Variants in MTMR4 observed in about 807,000 individuals in gnomAD.
MTMR4 encodes the protein myotubularin related protein 4, also known as phosphatidylinositol-3,5-bisphosphate 3-phosphatase MTMR4.
In MTMR4, 30 loss-of-function variants were observed where a neutral mutation model predicts 125.5. That is an observed-to-expected ratio of 0.24 (90% CI 0.18 to 0.32). MTMR4 has a LOEUF of 0.32. Among genes scored for constraint, MTMR4 ranks in the 10% least tolerant of loss-of-function variants. The pLI is 1.00. For synonymous variants in MTMR4, 498 were observed against 564.5 expected (o/e 0.88, Z 1.67); for missense variants, 1,039 against 1,511.5 (o/e 0.69, Z 5.18).
Position 58,505,525 on chromosome 17 carries a change from C to G in MTMR4, c.1092G>C (p.Arg364=). The change falls in exon 10 of 18, where the codon CGG becomes CGC. Residue 364 remains arginine (R), a synonymous_variant. Coordinates refer to ENST00000682306, the MANE Select transcript of MTMR4 (RefSeq NM_001378067.1). ...FMGMANIHAI[R]NSFQYLRAVC... ...CAGCCCGGAGGTACTGAAAGCTGTT[C>G]CGGATGGCATGGATGTTGGCCATTC... The G allele has an allele frequency of 6.2e-7, 1 of 1,613,210 alleles. No individual in the cohort carries two copies. The highest frequency in any genetic ancestry group is 8.5e-7 in the Non-Finnish European group (1 of 1,179,484).
Position 58,495,020 on chromosome 17 carries a change from C to T in MTMR4, c.3164G>A (p.Arg1055Gln), listed in dbSNP as rs767960228. 54 of 1,614,188 alleles carry T rather than the reference C, an allele frequency of 3.3e-5. No individual in the cohort carries two copies. Among genetic ancestry groups the T allele is most frequent in the Non-Finnish European group, 4.5e-5 (53 of 1,180,026 alleles). The change falls in exon 15 of 18, where the codon CGA becomes CAA. Residue 1055 changes from arginine (R) to glutamine (Q), a missense_variant. Around this residue, in one of 6 missense-constraint regions of MTMR4, gnomAD observed 619 missense variants for 714.5 expected, o/e 0.87. Transcript: ENST00000682306. ...GYKQEVEQLRRQVRELQMRLD... is the reference protein window; with the variant it reads ...GYKQEVEQLRQQVRELQMRLD... ...CCTCATCTGAAGCTCACGCACCTGTCGACGTAGCTGCTCCACCTCTTGTTT... is the reference window on the plus strand; with the variant it reads ...CCTCATCTGAAGCTCACGCACCTGTTGACGTAGCTGCTCCACCTCTTGTTT...
rs1308892473 is a variant in MTMR4 at position 58,512,326 on chromosome 17, C to T, written c.252+64G>A. The T allele has an allele frequency of 1.5e-6, 2 of 1,376,484 alleles. No homozygotes were observed. Among genetic ancestry groups the T allele is most frequent in the Admixed American group, 3.4e-5 (2 of 59,454 alleles). 85.3% of individuals were successfully genotyped at this position (1,376,484 alleles called of 1,614,324 possible). On this transcript the variant is annotated intron_variant, in intron 3 of 17. Coordinates refer to ENST00000682306, the MANE Select transcript of MTMR4 (RefSeq NM_001378067.1). This position sits in a 1 kb window ranked among gnomAD's most constrained non-coding sequence, Gnocchi z 4.1. ...GACATGATCAAGGACAGCCTTGGAACAATCCCACCTTGAACTTCATAGGGA... is the reference window on the plus strand; with the variant it reads ...GACATGATCAAGGACAGCCTTGGAATAATCCCACCTTGAACTTCATAGGGA...
intron 14 of MTMR4, among the ~76,000 whole-genome samples, chr17:58,500,894 G>A (rs1417263160): frequency 6.6e-6 from 1 of 151,924 alleles, no homozygotes; most frequent in Non-Finnish European, 1.5e-5. Flanking sequence ...TACGCAACTT[G>A]TAGGTATTAA....
At position 58,495,308 on chromosome 17, in the gene MTMR4, G is replaced by C. The variant is rs1256999655; in HGVS notation, c.2876C>G (p.Thr959Arg). 5.6e-6 allele frequency: 9 copies of C among 1,614,190 alleles called. No individual in the cohort carries two copies. The highest frequency in any genetic ancestry group is 1.1e-5 in the South Asian group (1 of 91,084). The change falls in exon 15 of 18, where the codon ACA (threonine) becomes AGA (arginine). Residue 959 changes from threonine to arginine, a missense_variant. Thr to Arg is a moderately conservative substitution (Grantham distance 71, BLOSUM62 -1). Coordinates refer to ENST00000682306, the MANE Select transcript of MTMR4 (RefSeq NM_001378067.1). ...CCACTGGCCCCCAAAGCAGGGCCCT[G>C]TGGCCCGCATCTGCTTACTGTTTGG... is the stretch of plus-strand genomic sequence containing the variant. ...KRPNSKQMRA[T>R]GPCFGGQWAQ...
At position 58,495,020 on chromosome 17, in the gene MTMR4, C is replaced by A; in HGVS notation, c.3164G>T (p.Arg1055Leu). ...CCTCATCTGAAGCTCACGCACCTGT[C>A]GACGTAGCTGCTCCACCTCTTGTTT... ...GYKQEVEQLR[R>L]QVRELQMRLD... The change falls in exon 15 of 18, where the codon CGA becomes CTA. Residue 1055 changes from arginine to leucine, a missense_variant. This residue lies in a region of MTMR4 where 619 missense variants were observed against 714.5 expected (regional missense o/e 0.87). Coordinates refer to ENST00000682306, the MANE Select transcript of MTMR4 (RefSeq NM_001378067.1). 6.2e-7 allele frequency: 1 copy of A among 1,614,186 alleles called. No homozygotes were observed. Among genetic ancestry groups the A allele is most frequent in the Non-Finnish European group, 8.5e-7 (1 of 1,180,026 alleles).
At position 58,503,910 on chromosome 17, in the gene MTMR4, G is replaced by A; in HGVS notation, c.1699-12C>T. 1 of 1,610,596 alleles carries A rather than the reference G, an allele frequency of 6.2e-7. No homozygotes were observed. The highest frequency in any genetic ancestry group is 8.5e-7 in the Non-Finnish European group (1 of 1,178,324). ...ACAGGATGCAGGACCTAGGGAAGCA[G>A]CCCAATACTAGTGCTTTGTCAAGAG... is the stretch of plus-strand genomic sequence containing the variant. On this transcript the variant is annotated splice_polypyrimidine_tract_variant and intron_variant, in intron 13 of 17. Coordinates refer to ENST00000682306, the MANE Select transcript of MTMR4 (RefSeq NM_001378067.1).
chr17:58,500,672 C>T (rs1357136805), intron 14 of MTMR4, among the ~76,000 whole-genome samples: 1 of 150,342 alleles, frequency 6.7e-6, no homozygotes, highest in Non-Finnish European at 1.5e-5. Flanking sequence ...ATCACTTGAA[C>T]CCGGGAGGCG....
In MTMR4 at chr17:58,508,308, G is replaced by T. The variant is rs373230696; in HGVS notation, c.594-34C>A. ...AGACCAGGTGGGGGTCACTGCACTGGGTCTAAAACATGTGATGACAGGATC... is the reference window on the plus strand; with the variant it reads ...AGACCAGGTGGGGGTCACTGCACTGTGTCTAAAACATGTGATGACAGGATC... On this transcript the variant is annotated intron_variant, in intron 6 of 17. Transcript: ENST00000682306. This position sits in a 1 kb window ranked among gnomAD's most constrained non-coding sequence, Gnocchi z 4.8. 3.5e-5 allele frequency: 55 copies of T among 1,592,122 alleles called. No individual in the cohort carries two copies. Among genetic ancestry groups the T allele is most frequent in the Non-Finnish European group, 4.6e-5 (53 of 1,160,254 alleles).
chr17:58,492,440 AT>A (rs1975338141), intron 17 of MTMR4, 70 bp downstream of exon 17: 1 of 1,375,316 alleles, frequency 7.3e-7, no homozygotes, highest in Non-Finnish European at 1.0e-6. Flanking sequence ...AGGTGTTGGC[AT>A]TACAGGTGTG....
At chr17:58,509,671 C>T (rs554578553) in intron 4 of MTMR4, among the ~76,000 whole-genome samples, 8 of 152,178 alleles carry the variant, frequency 5.3e-5, no homozygotes, top group Admixed American at 1.3e-4. Flanking sequence ...CCTCCTCCCT[C>T]GGCCTCCCAA....
At chr17:58,492,163 ATTTTTG>A (rs770219325) in intron 17 of MTMR4, among the ~76,000 whole-genome samples, 2 of 152,002 alleles carry the variant, frequency 1.3e-5, no homozygotes, top group Non-Finnish European at 2.9e-5. Flanking sequence ...GTATTACACT[ATTTTTG>A]TTTTTGTTTT....
rs942654501 is a variant in MTMR4 at position 58,490,734 on chromosome 17, C to T, written c.*929G>A. 6.6e-6 allele frequency: 1 copy of T among 152,620 alleles called. No individual in the cohort carries two copies. Among genetic ancestry groups the T allele is most frequent in the African/African-American group, 2.4e-5 (1 of 41,436 alleles). 9.5% of individuals were successfully genotyped at this position (152,620 alleles called of 1,614,324 possible). ...GAAATGGGCAATGGAACAACAACAA[C>T]GAAAACCTTTGTTTTATTTTCATGC... is the stretch of plus-strand genomic sequence containing the variant. On this transcript the variant is annotated 3_prime_UTR_variant, in exon 18 of 18. Transcript: ENST00000682306.
At position 58,512,649 on chromosome 17, in the gene MTMR4, C is replaced by T. The variant is rs1213718579; in HGVS notation, c.136-143G>A. 2.5e-6 allele frequency: 2 copies of T among 815,598 alleles called. No individual in the cohort carries two copies. The highest frequency in any genetic ancestry group is 2.5e-5 in the East Asian group (1 of 40,784). 50.5% of individuals were successfully genotyped at this position (815,598 alleles called of 1,614,324 possible). ...TTCTCTCCACGGTAACAGCACCAGG[C>T]AACAGCTGTACAGGAAAGCTGCCTT... On this transcript the variant is annotated intron_variant, in intron 2 of 17. Transcript: ENST00000682306. This position sits in a 1 kb window ranked among gnomAD's most constrained non-coding sequence, Gnocchi z 4.1.
At chr17:58,516,213 C>T (rs999336552), upstream of MTMR4, among the ~76,000 whole-genome samples, 1 of 152,190 alleles carries the variant, frequency 6.6e-6, no homozygotes, top group Non-Finnish European at 1.5e-5. Flanking sequence ...GTCCAAAGAT[C>T]TTGAGATAAA....
At chr17:58,517,592 G>A (rs529664238), upstream of MTMR4, among the ~76,000 whole-genome samples, 1 of 152,382 alleles carries the variant, frequency 6.6e-6, no homozygotes, top group South Asian at 2.1e-4. Flanking sequence ...AGGCCTGGGA[G>A]GCCCAGGGTT....
rs1242129453 is a variant in MTMR4 at position 58,514,516 on chromosome 17, G to A, written c.-109C>T. The A allele has an allele frequency of 4.1e-6, 4 of 985,054 alleles. No individual in the cohort carries two copies. Among genetic ancestry groups the A allele is most frequent in the African/African-American group, 3.5e-5 (2 of 57,196 alleles). The allele number at this position is 985,054 out of a possible 1,614,324, so 61.0% of individuals were successfully genotyped here. A position where few individuals can be genotyped will look rare whatever the true frequency, so the allele number is the denominator to read the frequency against. ...TGCGGGGCTCGCCAGGTGCAGCCGC[G>A]GCGGCCAAGAGGCTAGGGCGCTGGT... is the stretch of plus-strand genomic sequence containing the variant. On this transcript the variant is annotated 5_prime_UTR_variant, in exon 1 of 18. Transcript: ENST00000682306.
In MTMR4 at chr17:58,512,644, C is replaced by A. The variant is rs1039980076; in HGVS notation, c.136-138G>T. On this transcript the variant is annotated intron_variant, in intron 2 of 17. Transcript: ENST00000682306. The surrounding 1 kb of genome is among the most constrained non-coding windows in gnomAD (Gnocchi z 4.1). The stretch of plus-strand genomic sequence containing the variant: ...GAGAGTTCTCTCCACGGTAACAGCA[C>A]CAGGCAACAGCTGTACAGGAAAGCT... 10 of 820,712 alleles carry A rather than the reference C, an allele frequency of 1.2e-5. No homozygotes were observed. The highest frequency in any genetic ancestry group is 4.6e-5 in the South Asian group (3 of 64,562). 50.8% of individuals were successfully genotyped at this position (820,712 alleles called of 1,614,324 possible). A position where few individuals can be genotyped will look rare whatever the true frequency, so the allele number is the denominator to read the frequency against.
rs925581304 is a variant in MTMR4, at chr17:58,511,318, T to C, written c.335+111A>G. 5.0e-6 allele frequency: 5 copies of C among 994,744 alleles called. No individual in the cohort carries two copies. In the African/African-American group the frequency reaches 6.5e-5, roughly 13 times the overall value. 61.6% of individuals were successfully genotyped at this position (994,744 alleles called of 1,614,324 possible). On this transcript the variant is annotated intron_variant, in intron 4 of 17. Transcript: ENST00000682306. Reference sequence around the variant, plus strand: ...CATGGTCTTCACCTTTTCTTCCAACTGGGGAAAGTGAGGCAGGATCTTTCC... The same window carrying C: ...CATGGTCTTCACCTTTTCTTCCAACCGGGGAAAGTGAGGCAGGATCTTTCC...
chr17:58,509,446 T>G (rs1975868684), intron 4 of MTMR4, among the ~76,000 whole-genome samples: 1 of 148,758 alleles, frequency 6.7e-6, no homozygotes, highest in African/African-American at 2.5e-5. Context: ...AGGGTCTTGC[T>G]CTTGCTCTGT....
Sources: allele counts gnomAD v4.1 joint callset (sites outside exome capture counted in the v4.1 genomes callset), GRCh38; gene constraint gnomAD v4.1.1; regional missense constraint gnomAD v4.1.1; non-coding constraint Gnocchi (gnomAD v3.1); transcripts MANE v1.5; gene names NCBI Gene and HGNC (gene_info 2026-07-23, HGNC 2026-07-21).